The following ABTB3 variants were observed in gnomAD, a reference collection of about 807,000 sequenced individuals.
ABTB3 encodes ankyrin repeat- and BTB/POZ domain-containing protein 3.
chr12:107,624,391 A>G, the ABTB3 span, among the ~76,000 whole-genome samples: 1 of 152,134 alleles, frequency 6.6e-6, no homozygotes, highest in African/African-American at 2.4e-5. Context: ...TTGCAAAACT[A>G]TGGTAAAATA....
At chr12:107,335,565 G>A in the ABTB3 span, among the ~76,000 whole-genome samples, 1 of 152,100 alleles carries the variant, frequency 6.6e-6, no homozygotes, top group African/African-American at 2.4e-5. Flanking sequence ...TCTTGTATCT[G>A]TTTTATATAT....
the ABTB3 span, among the ~76,000 whole-genome samples, chr12:107,610,603 G>T: frequency 6.6e-6 from 1 of 152,162 alleles, no homozygotes; most frequent in African/African-American, 2.4e-5. Context: ...AGGAAAAACA[G>T]GCCCATTCCA....
the ABTB3 span, among the ~76,000 whole-genome samples, chr12:107,563,902 G>A: frequency 6.6e-6 from 1 of 152,158 alleles, no homozygotes; most frequent in Non-Finnish European, 1.5e-5. Context: ...GTAGGTTGAG[G>A]CTAATTAATA....
At chr12:107,344,124 T>C in the ABTB3 span, among the ~76,000 whole-genome samples, 2 of 152,126 alleles carry the variant, frequency 1.3e-5, no homozygotes, top group African/African-American at 2.4e-5. Flanking sequence ...ACAGCTTCAG[T>C]CATCACATGT....
the ABTB3 span, among the ~76,000 whole-genome samples, chr12:107,528,004 T>C: frequency 1.3e-5 from 2 of 152,090 alleles, no homozygotes; most frequent in Non-Finnish European, 2.9e-5. Context: ...CCCAGGGTTG[T>C]GGGAGGTTTG....
the ABTB3 span, among the ~76,000 whole-genome samples, chr12:107,469,996 CTTTCTT>C: frequency 3.6e-4 from 35 of 96,060 alleles, 1 homozygote; most frequent in African/African-American, 1.8e-3. Context: ...TTCTTTCTTT[CTTTCTT>C]TCTTTCTTTC....
chr12:107,347,894 C>T, the ABTB3 span, among the ~76,000 whole-genome samples: 1 of 152,058 alleles, frequency 6.6e-6, no homozygotes, highest in African/African-American at 2.4e-5. Flanking sequence ...AAGTATAATG[C>T]AGGGTGGTAA....
At chr12:107,385,904 C>T in the ABTB3 span, among the ~76,000 whole-genome samples, 1 of 152,208 alleles carries the variant, frequency 6.6e-6, no homozygotes, top group Non-Finnish European at 1.5e-5. Flanking sequence ...GCCAGGACCA[C>T]AGCAGGCCTG....
chr12:107,655,568 A>G, the ABTB3 span, among the ~76,000 whole-genome samples: 1 of 152,212 alleles, frequency 6.6e-6, no homozygotes, highest in Non-Finnish European at 1.5e-5. Flanking sequence ...AAAGAAAACA[A>G]CACTTGCGTT....
chr12:107,602,090 G>A, the ABTB3 span, among the ~76,000 whole-genome samples: 7 of 152,154 alleles, frequency 4.6e-5, no homozygotes, highest in Admixed American at 4.6e-4. Flanking sequence ...ATTGGTCCTT[G>A]GAATCAGAGA....
the ABTB3 span, among the ~76,000 whole-genome samples, chr12:107,447,141 C>CT: frequency 3.4e-4 from 52 of 151,552 alleles, no homozygotes; most frequent in Admixed American, 1.9e-3. Flanking sequence ...ATGAGGTTGA[C>CT]TTTTTTTTTC....
At chr12:107,549,910 T>G in the ABTB3 span, among the ~76,000 whole-genome samples, 2 of 152,150 alleles carry the variant, frequency 1.3e-5, no homozygotes, top group African/African-American at 4.8e-5. Context: ...ACAAGAGATA[T>G]TGGGGCTTGT....
the ABTB3 span, among the ~76,000 whole-genome samples, chr12:107,448,858 A>G: frequency 6.6e-6 from 1 of 152,324 alleles, no homozygotes; most frequent in Non-Finnish European, 1.5e-5. Flanking sequence ...GGCGTGAGCC[A>G]CCACACCTGG....
the ABTB3 span, among the ~76,000 whole-genome samples, chr12:107,638,273 G>T: frequency 1.3e-5 from 2 of 152,112 alleles, no homozygotes; most frequent in Non-Finnish European, 2.9e-5. Context: ...GCAGCACAGG[G>T]TTCAGGGTCT....
At chr12:107,410,347 G>T in the ABTB3 span, among the ~76,000 whole-genome samples, 2 of 152,194 alleles carry the variant, frequency 1.3e-5, no homozygotes, top group Middle Eastern at 3.4e-3. Context: ...GAGCTGAAGT[G>T]GGTTGTGGTA....
At chr12:107,442,140 C>T in the ABTB3 span, among the ~76,000 whole-genome samples, 74 of 152,268 alleles carry the variant, frequency 4.9e-4, no homozygotes, top group African/African-American at 1.6e-3. Flanking sequence ...AGGGCAGCGA[C>T]GAGTCTCTGC....
chr12:107,510,635 C>T, the ABTB3 span, among the ~76,000 whole-genome samples: 1 of 152,072 alleles, frequency 6.6e-6, no homozygotes, highest in Non-Finnish European at 1.5e-5. Context: ...TCTCTGATGG[C>T]TCGGCACAGT....
chr12:107,599,258 A>G, the ABTB3 span, among the ~76,000 whole-genome samples: 1 of 152,232 alleles, frequency 6.6e-6, no homozygotes, highest in African/African-American at 2.4e-5. Flanking sequence ...TCAGCCTAAC[A>G]AAAACAGATT....
the ABTB3 span, among the ~76,000 whole-genome samples, chr12:107,370,586 A>G: frequency 6.6e-6 from 1 of 151,960 alleles, no homozygotes; most frequent in Admixed American, 6.6e-5. Context: ...AAGACAAAGC[A>G]TGGTCTCTGG....
Sources: gnomAD v4.1 joint callset for allele counts (sites outside exome capture counted in the v4.1 genomes callset) on GRCh38, gnomAD v4.1.1 for gene constraint, MANE v1.5 for transcripts, NCBI Gene and HGNC (gene_info 2026-07-23, HGNC 2026-07-21) for gene names.